Variants in SHBG observed in about 807,000 individuals in gnomAD.
SHBG encodes the protein sex hormone-binding globulin.
Under a neutral mutation model 41.9 loss-of-function variants are expected in SHBG, and 37 were observed. The observed-to-expected ratio is 0.88, with a 90% CI of 0.68 to 1.16. The LOEUF (loss-of-function observed/expected upper bound fraction) is 1.16, where lower values mean the gene tolerates loss of function less well. Ranked by LOEUF, SHBG falls within the 50% of genes most tolerant of loss-of-function variation. The pLI, the probability that SHBG is intolerant of heterozygous loss-of-function variation, is 0.00. For synonymous variants in SHBG, 217 were observed against 205.8 expected (o/e 1.05, Z -0.47); for missense variants, 466 against 499.9 (o/e 0.93, Z 0.65).
At chr17:7,617,481 T>C (rs1379651328) in intron 1 of SHBG, among the ~76,000 whole-genome samples, 1 of 151,924 alleles carries the variant, frequency 6.6e-6, no homozygotes, top group East Asian at 1.9e-4. Context: ...CACGCGCTTG[T>C]AGTCCCAGCT....
At chr17:7,619,821 G>A (rs778181490) in intron 1 of SHBG, among the ~76,000 whole-genome samples, 3 of 151,912 alleles carry the variant, frequency 2.0e-5, no homozygotes, top group Non-Finnish European at 4.4e-5. Context: ...TCAGTGATCC[G>A]TGTTCTGAAG....
rs754963815 is a variant in SHBG at position 7,631,290 on chromosome 17, A to G, written c.484A>G (p.Ser162Gly). Residue 162 changes from serine (S) to glycine (G), a missense_variant, in exon 4 of 8, where the codon AGC (serine) becomes GGC (glycine). By Grantham distance (56) the Ser-to-Gly change is moderately conservative. Coordinates refer to ENST00000380450, the MANE Select transcript of SHBG (RefSeq NM_001040.5). ...GAGACAGGTCTCTGGGCCCCTGACCAGCAAACGCCATCCCATCATGAGGAT... is the reference window on the plus strand; with the variant it reads ...GAGACAGGTCTCTGGGCCCCTGACCGGCAAACGCCATCCCATCATGAGGAT... ...RLRQVSGPLT[S>G]KRHPIMRIAL... The G allele has an allele frequency of 2.5e-6, 4 of 1,613,738 alleles. No individual in the cohort carries two copies. The highest frequency in any genetic ancestry group is 1.3e-5 in the African/African-American group (1 of 74,914).
At chr17:7,627,705 T>C, upstream of SHBG, 2 of 1,559,226 alleles carry the variant, frequency 1.3e-6, no homozygotes, top group Non-Finnish European at 1.8e-6. The surrounding 1 kb of genome is among the most constrained non-coding windows in gnomAD (Gnocchi z 4.8). Context: ...TTAAAGGGCC[T>C]ACGGACTTGG....
intron 1 of SHBG, among the ~76,000 whole-genome samples, chr17:7,620,068 G>C (rs1276968876): frequency 6.8e-6 from 1 of 147,022 alleles, no homozygotes; most frequent in Non-Finnish European, 1.5e-5. Context: ...TCCAGTCTAG[G>C]CAACAGAAAA....
chr17:7,624,532 A>C (rs1476885713), upstream of SHBG, among the ~76,000 whole-genome samples: 2 of 151,968 alleles, frequency 1.3e-5, no homozygotes, highest in African/African-American at 2.4e-5. Context: ...GAACCACTGC[A>C]CCCGGCCTAA....
At chr17:7,625,764 G>A (rs1264306969), upstream of SHBG, among the ~76,000 whole-genome samples, 3 of 151,748 alleles carry the variant, frequency 2.0e-5, no homozygotes, top group Non-Finnish European at 2.9e-5. Flanking sequence ...GGTAGCAGGC[G>A]CCTGTAATCC....
chr17:7,627,952 C>T (rs776802410), upstream of SHBG: 2 of 542,398 alleles, frequency 3.7e-6, no homozygotes, highest in Admixed American at 2.3e-5. This position sits in a 1 kb window ranked among gnomAD's most constrained non-coding sequence, Gnocchi z 4.8. Flanking sequence ...AAGCCCCACC[C>T]CCGACAGCTG....
At chr17:7,622,825 C>G (rs886916117) in intron 1 of SHBG, among the ~76,000 whole-genome samples, 2 of 141,098 alleles carry the variant, frequency 1.4e-5, no homozygotes, top group Non-Finnish European at 3.1e-5. Context: ...GTCAGGAGAT[C>G]GAGACCATCC....
chr17:7,631,946 C>T lies in SHBG; in HGVS notation c.783C>T (p.Gly261=), dbSNP rs777366823. The change falls in exon 6 of 8, where the codon GGC becomes GGT. Residue 261 remains glycine, a synonymous_variant. Transcript: ENST00000380450. ...ACCTGGGACTCAAGCAGGCAGCAGG[C>T]TCAGGCCACCTCCTTGCTCTTGGGA... The part of the protein sequence containing the change: ...SLDLGLKQAA[G]SGHLLALGTP... The T allele has an allele frequency of 1.9e-6, 3 of 1,614,090 alleles. No individual in the cohort carries two copies. The highest frequency in any genetic ancestry group is 2.2e-5 in the South Asian group (2 of 91,078).
chr17:7,614,327 A>C, intron 1 of SHBG: 1 of 749,612 alleles, frequency 1.3e-6, no homozygotes, highest in South Asian at 1.7e-5. Flanking sequence ...TGCGGGTTGG[A>C]GCAAGGGTCC....
upstream of SHBG, among the ~76,000 whole-genome samples, chr17:7,625,373 C>A (rs531226561): frequency 1.3e-5 from 2 of 149,686 alleles, no homozygotes; most frequent in African/African-American, 4.9e-5. Context: ...GTCAGGAGAT[C>A]GAGACCATCC....
upstream of SHBG, among the ~76,000 whole-genome samples, chr17:7,629,346 C>G (rs1461585127): frequency 6.6e-6 from 1 of 151,718 alleles, no homozygotes; most frequent in Non-Finnish European, 1.5e-5. Flanking sequence ...CCACTGCACT[C>G]CAGCCTGGGT....
chr17:7,620,854 C>T (rs2072079801), intron 1 of SHBG, among the ~76,000 whole-genome samples: 1 of 151,962 alleles, frequency 6.6e-6, no homozygotes, highest in Admixed American at 6.6e-5. Flanking sequence ...TGGTCGCGAA[C>T]TCCTGACCTC....
chr17:7,627,838 G>A, upstream of SHBG: 1 of 666,356 alleles, frequency 1.5e-6, no homozygotes, highest in Non-Finnish European at 2.8e-6. The surrounding 1 kb of genome is among the most constrained non-coding windows in gnomAD (Gnocchi z 4.8). Context: ...CCAGCGAGGC[G>A]ATCCTCTGTC....
chr17:7,620,226 G>A (rs1178618141), intron 1 of SHBG, among the ~76,000 whole-genome samples: 2 of 152,156 alleles, frequency 1.3e-5, no homozygotes, highest in East Asian at 1.9e-4. Flanking sequence ...CCTCCTTTGG[G>A]AGGCCAAAGT....
upstream of SHBG, chr17:7,627,674 C>G (rs371542547): frequency 6.2e-7 from 1 of 1,613,206 alleles, no homozygotes; most frequent in Non-Finnish European, 8.5e-7. This position sits in a 1 kb window ranked among gnomAD's most constrained non-coding sequence, Gnocchi z 4.8. Context: ...CCCAGGGCCT[C>G]GCAAACGGCA....
rs768449438 is a variant in SHBG, at chr17:7,631,687, T to C, written c.654T>C (p.Asp218=). 4.3e-6 allele frequency: 7 copies of C among 1,614,128 alleles called. No individual in the cohort carries two copies. Among genetic ancestry groups the C allele is most frequent in the Admixed American group, 1.7e-5 (1 of 60,016 alleles). ...ASAPTSLRSC[D]VESNPGIFLP... Reference sequence around the variant, plus strand: ...CCCCCACTAGCCTCAGAAGCTGTGATGTAGAATCAAATCCCGGGATATTTC... The same window carrying C: ...CCCCCACTAGCCTCAGAAGCTGTGACGTAGAATCAAATCCCGGGATATTTC... The change falls in exon 5 of 8, where the codon GAT becomes GAC. Residue 218 remains aspartate (D), a synonymous_variant. Coordinates refer to ENST00000380450, the MANE Select transcript of SHBG (RefSeq NM_001040.5).
upstream of SHBG, chr17:7,627,529 G>T: frequency 6.4e-7 from 1 of 1,573,164 alleles, no homozygotes. This position sits in a 1 kb window ranked among gnomAD's most constrained non-coding sequence, Gnocchi z 4.8. Context: ...CGCTCTGGCC[G>T]CGCCACTCTG....
At chr17:7,627,534 A>G (rs1457303784), upstream of SHBG, 1 of 1,517,432 alleles carries the variant, frequency 6.6e-7, no homozygotes, top group Non-Finnish European at 9.1e-7. The surrounding 1 kb of genome is among the most constrained non-coding windows in gnomAD (Gnocchi z 4.8). Context: ...TGGCCGCGCC[A>G]CTCTGACCCC....
Sources: gnomAD v4.1 joint callset for allele counts (sites outside exome capture counted in the v4.1 genomes callset) on GRCh38, gnomAD v4.1.1 for gene constraint, Gnocchi (gnomAD v3.1) non-coding constraint, MANE v1.5 for transcripts, NCBI Gene and HGNC (gene_info 2026-07-23, HGNC 2026-07-21) for gene names.